STAU2: variants seen among roughly 807,000 people sequenced by gnomAD.
The protein encoded by STAU2 is double-stranded RNA-binding protein Staufen homolog 2.
STAU2 carries 20 observed loss-of-function variants against 65.9 expected under a neutral mutation model. The ratio of observed to expected loss-of-function variants is 0.30; its 90% CI spans 0.21 to 0.44. The LOEUF (loss-of-function observed/expected upper bound fraction) is 0.44. STAU2 is among the 20% of genes least tolerant of loss of function. The pLI is 1.00. For synonymous variants in STAU2, 232 were observed against 233.9 expected, an observed-to-expected ratio of 0.99 and a Z score of 0.07; for missense variants, 558 against 683.9, an observed-to-expected ratio of 0.82 and a Z score of 2.05.
intron 13 of STAU2, among the ~76,000 whole-genome samples, chr8:73,435,863 C>G (rs1817646237): frequency 6.6e-6 from 1 of 151,822 alleles, no homozygotes; most frequent in South Asian, 2.1e-4. Flanking sequence ...GTGGCACATC[C>G]TGAACCAGAG....
chr8:73,619,257 C>T (rs1813055158), intron 6 of STAU2, among the ~76,000 whole-genome samples: 1 of 152,058 alleles, frequency 6.6e-6, no homozygotes, highest in Non-Finnish European at 1.5e-5. Flanking sequence ...TTAACTGGAT[C>T]TAATGCTACT....
At chr8:73,471,870 G>T (rs1397969321) in intron 13 of STAU2, among the ~76,000 whole-genome samples, 2 of 136,990 alleles carry the variant, frequency 1.5e-5, no homozygotes, top group Admixed American at 7.2e-5. Context: ...GGAGAAGAAA[G>T]AAATTCACGT....
chr8:73,614,088 T>C (rs951292647), intron 8 of STAU2, 132 bp from the exon 9 acceptor site: 1 of 639,796 alleles, frequency 1.6e-6, no homozygotes, highest in African/African-American at 1.8e-5. Context: ...AAGAAAGCTA[T>C]TATGAAGGTA....
intron 1 of STAU2, among the ~76,000 whole-genome samples, chr8:73,744,503 C>A (rs915454573): frequency 1.7e-4 from 23 of 132,230 alleles, no homozygotes; most frequent in African/African-American, 4.4e-4. Context: ...AAAAAAAAAA[C>A]CTACCATATC....
chr8:73,549,998 C>A (rs1585984720), intron 13 of STAU2: 2 of 985,538 alleles, frequency 2.0e-6, no homozygotes, highest in Non-Finnish European at 2.4e-6. Context: ...CCACAAAGAA[C>A]CTTCTGCTGC....
intron 9 of STAU2, 24 bp from the exon 10 acceptor site, chr8:73,603,887 T>C: frequency 6.3e-7 from 1 of 1,576,036 alleles, no homozygotes; most frequent in Non-Finnish European, 8.6e-7. Context: ...TAAGAAAAAG[T>C]TTTAAAATAT....
intron 4 of STAU2, among the ~76,000 whole-genome samples, chr8:73,694,931 G>C (rs944951212): frequency 6.6e-6 from 1 of 152,238 alleles, no homozygotes; most frequent in Non-Finnish European, 1.5e-5. Flanking sequence ...AGCTGGAGGG[G>C]AATTGCCCAT....
At chr8:73,603,381 A>C (rs927499923) in intron 10 of STAU2, among the ~76,000 whole-genome samples, 3 of 152,122 alleles carry the variant, frequency 2.0e-5, no homozygotes, top group Non-Finnish European at 4.4e-5. Flanking sequence ...CATCCTTCTA[A>C]ATTTTGTTTC....
intron 13 of STAU2, among the ~76,000 whole-genome samples, chr8:73,426,771 T>C (rs1001654864): frequency 6.6e-6 from 1 of 152,190 alleles, no homozygotes; most frequent in African/African-American, 2.4e-5. Flanking sequence ...GCATCATTTC[T>C]CATGACTGCA....
intron 13 of STAU2, among the ~76,000 whole-genome samples, chr8:73,474,853 G>A (rs1156469150): frequency 3.3e-5 from 5 of 152,196 alleles, no homozygotes; most frequent in East Asian, 3.9e-4. Context: ...AACAGTGTAC[G>A]TCACAATATT....
intron 3 of STAU2, among the ~76,000 whole-genome samples, chr8:73,722,149 CA>C (rs1178512623): frequency 6.6e-6 from 1 of 152,150 alleles, no homozygotes; most frequent in African/African-American, 2.4e-5. Context: ...TCACACAGAG[CA>C]AAAGAATCTT....
At chr8:73,473,571 T>G (rs1482880686) in intron 13 of STAU2, among the ~76,000 whole-genome samples, 1 of 152,174 alleles carries the variant, frequency 6.6e-6, no homozygotes, top group African/African-American at 2.4e-5. Context: ...CAGAGGGCTG[T>G]GTGAGGACTG....
At chr8:73,532,683 G>A (rs1399622422) in intron 13 of STAU2, among the ~76,000 whole-genome samples, 3 of 152,110 alleles carry the variant, frequency 2.0e-5, no homozygotes, top group Non-Finnish European at 4.4e-5. Context: ...TCTGAAAAGA[G>A]ACATTTACCA....
At chr8:73,589,871 A>G (rs1271887657) in intron 11 of STAU2, among the ~76,000 whole-genome samples, 1 of 151,948 alleles carries the variant, frequency 6.6e-6, no homozygotes, top group East Asian at 1.9e-4. Context: ...TATAAGGACA[A>G]GGAGGATGAC....
intron 12 of STAU2, 57 bp from the exon 13 acceptor site, chr8:73,552,376 T>A (rs529498034): frequency 6.9e-7 from 1 of 1,441,354 alleles, no homozygotes; most frequent in African/African-American, 1.4e-5. Flanking sequence ...AATAGAAACA[T>A]AGCATTATTA....
At chr8:73,590,524 AG>A (rs1810699296) in intron 11 of STAU2, 1 of 152,236 alleles carries the variant, frequency 6.6e-6, no homozygotes, top group Admixed American at 6.5e-5. Flanking sequence ...GGCTTAAAAA[AG>A]AAAAAATAAC....
chr8:73,526,088 T>C (rs909761692), intron 13 of STAU2, among the ~76,000 whole-genome samples: 1 of 152,198 alleles, frequency 6.6e-6, no homozygotes, highest in African/African-American at 2.4e-5. Flanking sequence ...CTGCTTTCCA[T>C]ATTAATATGC....
chr8:73,595,624 C>T (rs1051567797), intron 10 of STAU2, among the ~76,000 whole-genome samples: 6 of 151,890 alleles, frequency 4.0e-5, no homozygotes, highest in African/African-American at 1.5e-4. Flanking sequence ...ATTTTAACAG[C>T]GTTCATGTTG....
At chr8:73,611,632 C>A (rs1002646536) in intron 9 of STAU2, among the ~76,000 whole-genome samples, 3 of 151,074 alleles carry the variant, frequency 2.0e-5, no homozygotes, top group Non-Finnish European at 4.4e-5. Flanking sequence ...ATGTACAGAT[C>A]TTTTCCAGCC....
Sources: gnomAD v4.1 joint callset for allele counts (sites outside exome capture counted in the v4.1 genomes callset) on GRCh38, gnomAD v4.1.1 for gene constraint, MANE v1.5 for transcripts, NCBI Gene and HGNC (gene_info 2026-07-23, HGNC 2026-07-21) for gene names.